TET1: variants seen among roughly 807,000 people sequenced by gnomAD.
TET1 encodes methylcytosine dioxygenase TET1.
Under a neutral mutation model 148.7 loss-of-function variants are expected in TET1, and 13 were observed. That is an observed-to-expected ratio of 0.09 (90% confidence interval 0.06 to 0.14). The LOEUF is 0.14. Among genes scored for constraint, TET1 ranks in the 10% least tolerant of loss-of-function variants. TET1 has a pLI of 1.00. For missense variants in TET1, 2,182 were observed against 2,553.8 expected (o/e 0.85, Z 3.14); for synonymous variants, 907 against 937.2 (o/e 0.97, Z 0.59).
intron 1 of TET1, among the ~76,000 whole-genome samples, chr10:68,571,487 G>A (rs80127065): frequency 1.4e-5 from 2 of 147,232 alleles, no homozygotes; most frequent in East Asian, 4.0e-4. Flanking sequence ...TTTTTTTTTG[G>A]CCAGGCTAGT....
intron 1 of TET1, among the ~76,000 whole-genome samples, chr10:68,570,555 G>A (rs1264298774): frequency 1.3e-5 from 2 of 151,924 alleles, no homozygotes; most frequent in African/African-American, 4.8e-5. Flanking sequence ...AATTCACTTG[G>A]GATATTTTAG....
intron 5 of TET1, 108 bp from the exon 6 acceptor site, chr10:68,652,393 A>G: frequency 1.5e-6 from 1 of 645,366 alleles, no homozygotes; most frequent in Non-Finnish European, 2.5e-6. Flanking sequence ...CTAATTTTTG[A>G]ACTTCTGTAC....
intron 3 of TET1, among the ~76,000 whole-genome samples, chr10:68,604,199 G>T (rs747262278): frequency 1.3e-5 from 2 of 152,160 alleles, no homozygotes; most frequent in Non-Finnish European, 2.9e-5. Context: ...TTTACTTTGT[G>T]TGTGTGTGGT....
intron 6 of TET1, among the ~76,000 whole-genome samples, chr10:68,661,204 T>TTA (rs2133153104): frequency 7.3e-6 from 1 of 137,000 alleles, no homozygotes; most frequent in South Asian, 2.4e-4. Flanking sequence ...TAATTTTTTT[T>TTA]TTTTTTTTTT....
chr10:68,681,037 G>C (rs530170274), intron 8 of TET1, among the ~76,000 whole-genome samples: 2 of 152,284 alleles, frequency 1.3e-5, no homozygotes, highest in South Asian at 4.1e-4. Context: ...CAAGTTACTT[G>C]CCATTTCCCC....
intron 3 of TET1, among the ~76,000 whole-genome samples, chr10:68,624,654 TTCTTTCTCTCTCTCTCTC>T (rs1343644461): frequency 8.0e-4 from 47 of 58,434 alleles, no homozygotes; most frequent in Middle Eastern, 8.9e-3. Context: ...CTTTCTTTCT[TTCTTTCTCTCTCTCTCTC>T]TCTCTCTCTC....
chr10:68,565,961 C>T (rs1053383125), intron 1 of TET1, among the ~76,000 whole-genome samples: 1 of 152,146 alleles, frequency 6.6e-6, no homozygotes, highest in Admixed American at 6.6e-5. Flanking sequence ...GCCACATCTT[C>T]GCAATCCATG....
intron 3 of TET1, among the ~76,000 whole-genome samples, chr10:68,608,481 C>T (rs547365735): frequency 5.3e-5 from 8 of 152,210 alleles, no homozygotes; most frequent in Middle Eastern, 3.4e-3. Context: ...GTGATCTACC[C>T]GCCTTGGCCT....
chr10:68,645,623 G>A lies in TET1; in HGVS notation c.2894G>A (p.Cys965Tyr). 6.2e-7 allele frequency: 1 copy of A among 1,614,152 alleles called. No homozygotes were observed. The highest frequency in any genetic ancestry group is 8.5e-7 in the Non-Finnish European group (1 of 1,180,032). The part of the protein sequence containing the change: ...HCPSLEKQSS[C>Y]NTVVFNGQTT... Reference sequence around the variant, plus strand: ...CCATCTTTGGAAAAACAAAGTTCATGCAACACGGTGGTTTTCAATGGGCAA... The same window carrying A: ...CCATCTTTGGAAAAACAAAGTTCATACAACACGGTGGTTTTCAATGGGCAA... Residue 965 changes from cysteine to tyrosine, a missense_variant, in exon 4 of 12, where the codon TGC (cysteine) becomes TAC (tyrosine). This residue lies in a region of TET1 where 582 missense variants were observed against 599.5 expected (regional missense o/e 0.97). Coordinates refer to ENST00000373644, the MANE Select transcript of TET1 (RefSeq NM_030625.3).
At position 68,611,122 on chromosome 10, in the gene TET1, G is replaced by A. The variant is rs146099918; in HGVS notation, c.1968+10088G>A. 4.1e-3 allele frequency among the ~76,000 whole-genome samples: 616 copies of A among 151,882 alleles called. 4 individuals are homozygous for A. Among genetic ancestry groups the A allele is most frequent in the African/African-American group, 0.014 (587 of 41,406 alleles). ...GGCCTGGCCAGCATGGTGAAACCCCGTCTCTACTAAACACAAAAATTAGCC... is the reference window on the plus strand; with the variant it reads ...GGCCTGGCCAGCATGGTGAAACCCCATCTCTACTAAACACAAAAATTAGCC... On this transcript the variant is annotated intron_variant, in intron 3 of 11. Coordinates refer to ENST00000373644, the MANE Select transcript of TET1 (RefSeq NM_030625.3).
intron 3 of TET1, among the ~76,000 whole-genome samples, chr10:68,608,619 C>T (rs1374044762): frequency 6.6e-6 from 1 of 152,088 alleles, no homozygotes; most frequent in South Asian, 2.1e-4. Context: ...ACTGCAACCT[C>T]CACCTCCGGG....
At chr10:68,686,929 C>T (rs1330654411) in intron 11 of TET1, among the ~76,000 whole-genome samples, 1 of 151,484 alleles carries the variant, frequency 6.6e-6, no homozygotes, top group Non-Finnish European at 1.5e-5. Flanking sequence ...GCTCTGTCAC[C>T]CAGGCTGGAG....
In TET1 at chr10:68,686,520, C is replaced by A; in HGVS notation, c.5217C>A (p.Pro1739=). ...CTGGGGCCATCGAGGTCCTGGCACC[C>A]CGCCGCAAAAAAAGAACGTGTTTCA... is the stretch of plus-strand genomic sequence containing the variant. ...IKSGAIEVLA[P]RRKKRTCFTQ... Residue 1739 remains proline (P), a synonymous_variant, in exon 11 of 12, where the codon CCC becomes CCA. Coordinates refer to ENST00000373644, the MANE Select transcript of TET1 (RefSeq NM_030625.3). 1 of 1,614,090 alleles carries A rather than the reference C, an allele frequency of 6.2e-7. No homozygotes were observed. The highest frequency in any genetic ancestry group is 8.5e-7 in the Non-Finnish European group (1 of 1,180,024).
chr10:68,608,932 C>T (rs2054167018), intron 3 of TET1, among the ~76,000 whole-genome samples: 1 of 152,186 alleles, frequency 6.6e-6, no homozygotes, highest in Admixed American at 6.5e-5. Context: ...TTCAAGCGAT[C>T]TTCCTGCCTT....
At chr10:68,657,510 G>A (rs1448137792) in intron 6 of TET1, among the ~76,000 whole-genome samples, 2 of 152,162 alleles carry the variant, frequency 1.3e-5, no homozygotes, top group African/African-American at 4.8e-5. Flanking sequence ...GTGGTGGTGT[G>A]CACCTGTGGT....
intron 3 of TET1, among the ~76,000 whole-genome samples, chr10:68,622,937 G>A (rs186658360): frequency 3.9e-5 from 6 of 152,100 alleles, no homozygotes; most frequent in Admixed American, 2.0e-4. Flanking sequence ...TGCATTTTTG[G>A]CAATAATCCA....
In TET1 at chr10:68,608,856, A is replaced by G. The variant is rs144858902; in HGVS notation, c.1968+7822A>G. On this transcript the variant is annotated intron_variant, in intron 3 of 11. Transcript: ENST00000373644. ...CAGCCATATTTATTTTTTAATTAAAAAAAAATTTTTTTTAATACAAAAGAG... is the reference window on the plus strand; with the variant it reads ...CAGCCATATTTATTTTTTAATTAAAGAAAAATTTTTTTTAATACAAAAGAG... Among the ~76,000 whole-genome samples, 25 of 152,174 alleles carry G rather than the reference A, an allele frequency of 1.6e-4. No individual in the cohort carries two copies. The East Asian group carries it at 3.3e-3, about 20-fold the overall frequency.
intron 1 of TET1, among the ~76,000 whole-genome samples, chr10:68,570,606 A>G (rs1412965037): frequency 6.6e-6 from 1 of 151,860 alleles, no homozygotes; most frequent in Admixed American, 6.6e-5. Flanking sequence ...GCAGTAAACA[A>G]TTCTCAGTTC....
intron 2 of TET1, among the ~76,000 whole-genome samples, chr10:68,576,019 C>CA (rs534082686): frequency 0.023 from 2,212 of 94,146 alleles, 56 homozygotes; most frequent in African/African-American, 0.073. Flanking sequence ...GACTCCATCT[C>CA]AAAAAAAAAA....
Sources: gnomAD v4.1 joint callset for allele counts (sites outside exome capture counted in the v4.1 genomes callset) on GRCh38, gnomAD v4.1.1 for gene constraint, gnomAD v4.1.1 regional missense constraint, MANE v1.5 for transcripts, NCBI Gene and HGNC (gene_info 2026-07-23, HGNC 2026-07-21) for gene names.